ROCK2: variants seen among roughly 807,000 people sequenced by gnomAD.
ROCK2 encodes the protein rho-associated protein kinase 2.
ROCK2 carries 61 observed loss-of-function variants against 195.1 expected under a neutral mutation model. The observed-to-expected ratio is 0.31, with a 90% CI of 0.25 to 0.39. The LOEUF is 0.39. ROCK2 is among the 10% of genes least tolerant of loss of function. ROCK2 has a pLI of 1.00. For missense variants in ROCK2, 1,109 were observed against 1,637.4 expected, an observed-to-expected ratio of 0.68 and a Z score of 5.57; for synonymous variants, 504 against 545.5, an observed-to-expected ratio of 0.92 and a Z score of 1.06.
chr2:11,183,370 A>G lies in ROCK2; in HGVS notation c.*67T>C. On this transcript the variant is annotated 3_prime_UTR_variant, in exon 33 of 33. Transcript: ENST00000315872. The stretch of plus-strand genomic sequence containing the variant: ...TTTTTAATAAATTTTGGGCCATCAT[A>G]TTTCAGTCTTGTTTTCACTGGAAGA... The G allele has an allele frequency of 6.4e-6, 9 of 1,402,646 alleles. No homozygotes were observed. The highest frequency in any genetic ancestry group is 8.9e-6 in the Non-Finnish European group (9 of 1,012,256). The allele number at this position is 1,402,646 out of a possible 1,614,324, so 86.9% of individuals were successfully genotyped here. A position where few individuals can be genotyped will look rare whatever the true frequency, so the allele number is the denominator to read the frequency against.
At chr2:11,307,439 G>A (rs184229629) in intron 1 of ROCK2, among the ~76,000 whole-genome samples, 40 of 152,056 alleles carry the variant, frequency 2.6e-4, no homozygotes, top group African/African-American at 9.4e-4. Context: ...TCAGCCTCCC[G>A]AGTAGCTGGG....
At chr2:11,338,087 C>CT (rs1377822350) in intron 1 of ROCK2, among the ~76,000 whole-genome samples, 2 of 152,142 alleles carry the variant, frequency 1.3e-5, no homozygotes, top group Non-Finnish European at 2.9e-5. Flanking sequence ...GCTCAGGCCT[C>CT]TAATCCAACG....
intron 3 of ROCK2, among the ~76,000 whole-genome samples, chr2:11,285,216 C>T (rs1456554505): frequency 6.8e-6 from 1 of 148,024 alleles, no homozygotes; most frequent in African/African-American, 2.5e-5. Flanking sequence ...GAGCCGAGAT[C>T]GCGCCATTGC....
At chr2:11,239,492 G>A (rs1164164453) in intron 4 of ROCK2, among the ~76,000 whole-genome samples, 1 of 152,134 alleles carries the variant, frequency 6.6e-6, no homozygotes, top group East Asian at 1.9e-4. Context: ...AAACATAAAT[G>A]TAGCAAACAA....
At chr2:11,318,103 T>C (rs544763285) in intron 1 of ROCK2, among the ~76,000 whole-genome samples, 5 of 152,334 alleles carry the variant, frequency 3.3e-5, no homozygotes, top group African/African-American at 1.2e-4. Context: ...AGCAGCATGA[T>C]GTATAATCCT....
In ROCK2 at chr2:11,308,461, T is replaced by C. The variant is rs549687447; in HGVS notation, c.142-20725A>G. On this transcript the variant is annotated intron_variant, in intron 1 of 32. Coordinates refer to ENST00000315872, the MANE Select transcript of ROCK2 (RefSeq NM_004850.5). ...GTGCTGGAGCAGGGTCTCCTGATTC[T>C]TTTCCTGCTAGAGTTCCCGGTACTT... 6 of 1,605,982 alleles carry C rather than the reference T, an allele frequency of 3.7e-6. No individual in the cohort carries two copies. The South Asian group carries it at 5.5e-5, about 15-fold the overall frequency.
rs148176759 is a variant in ROCK2 at position 11,319,950 on chromosome 2, A to C, written c.141+24046T>G. 1.8e-4 allele frequency among the ~76,000 whole-genome samples: 27 copies of C among 152,320 alleles called. No homozygotes were observed. In the East Asian group the frequency reaches 5.0e-3, roughly 28 times the overall value. On this transcript the variant is annotated intron_variant, in intron 1 of 32. Transcript: ENST00000315872. ...CCTAACCAGAAAACACCTTAAAACT[A>C]TTCAGGGTGGATCCAGTGGCTCCAA...
At chr2:11,247,745 C>A (rs116746215) in intron 4 of ROCK2, among the ~76,000 whole-genome samples, 3 of 152,156 alleles carry the variant, frequency 2.0e-5, no homozygotes, top group Non-Finnish European at 2.9e-5. Context: ...GCAGGCCAGG[C>A]GCAGAGGCTC....
At chr2:11,259,891 G>C (rs1399720601) in intron 3 of ROCK2, among the ~76,000 whole-genome samples, 1 of 151,254 alleles carries the variant, frequency 6.6e-6, no homozygotes, top group South Asian at 2.1e-4. Flanking sequence ...AAATGACCAA[G>C]CTGGAGTAAC....
intron 3 of ROCK2, 88 bp from the exon 4 acceptor site, chr2:11,249,886 C>T: frequency 9.0e-7 from 1 of 1,112,714 alleles, no homozygotes; most frequent in African/African-American, 1.6e-5. Flanking sequence ...TTATTAAAGA[C>T]TTCAGTTACA....
intron 1 of ROCK2, among the ~76,000 whole-genome samples, chr2:11,324,847 G>A (rs1668501067): frequency 1.3e-5 from 2 of 152,124 alleles, no homozygotes; most frequent in Admixed American, 6.6e-5. Context: ...CAACATGACA[G>A]GTCTCAAGTG....
At position 11,197,328 on chromosome 2, in the gene ROCK2, C is replaced by G. The variant is rs1316869717; in HGVS notation, c.3300G>C (p.Gln1100His). ...ATGTCATCTGCAGTTCAATTCGAAT[C>G]TGGCTCTCTTCAGCTATTTGCTATA... The part of the protein sequence containing the change: ...EMQAQIAEES[Q>H]IRIELQMTLD... The change falls in exon 27 of 33, where the codon CAG (glutamine) becomes CAC (histidine). Residue 1100 changes from glutamine to histidine, a missense_variant. This residue lies in a region of ROCK2 where 221 missense variants were observed against 355.1 expected (regional missense o/e 0.62). Coordinates refer to ENST00000315872, the MANE Select transcript of ROCK2 (RefSeq NM_004850.5). This position sits in a 1 kb window ranked among gnomAD's most constrained non-coding sequence, Gnocchi z 4.9. The G allele has an allele frequency of 6.8e-6, 11 of 1,613,304 alleles. No individual in the cohort carries two copies. The highest frequency in any genetic ancestry group is 9.3e-6 in the Non-Finnish European group (11 of 1,179,800).
chr2:11,261,536 T>C (rs1238472735), intron 3 of ROCK2, among the ~76,000 whole-genome samples: 1 of 152,208 alleles, frequency 6.6e-6, no homozygotes, highest in Non-Finnish European at 1.5e-5. Context: ...AAGCATGGAT[T>C]TGCCGGGCTT....
At chr2:11,289,940 TATCACA>T (rs1375150639) in intron 1 of ROCK2, among the ~76,000 whole-genome samples, 1 of 152,216 alleles carries the variant, frequency 6.6e-6, no homozygotes, top group Non-Finnish European at 1.5e-5. Context: ...GACCAAACAC[TATCACA>T]ATTAGGCACT....
chr2:11,279,543 T>C (rs1324455985), intron 3 of ROCK2, among the ~76,000 whole-genome samples: 4 of 152,184 alleles, frequency 2.6e-5, no homozygotes, highest in East Asian at 1.9e-4. Flanking sequence ...CAAAAGCTGA[T>C]AGAACAGCAA....
chr2:11,336,679 G>A (rs1668938834), intron 1 of ROCK2, among the ~76,000 whole-genome samples: 1 of 152,204 alleles, frequency 6.6e-6, no homozygotes, highest in Non-Finnish European at 1.5e-5. Context: ...TTTAACAAAG[G>A]TGCCAAAGCA....
intron 19 of ROCK2, 113 bp downstream of exon 19, chr2:11,208,174 T>G (rs1395147248): frequency 1.7e-6 from 1 of 604,702 alleles, no homozygotes; most frequent in African/African-American, 1.9e-5. Context: ...AACCAACAGG[T>G]TGCAGACTAT....
At position 11,192,308 on chromosome 2, in the gene ROCK2, C is replaced by T; in HGVS notation, c.4003G>A (p.Glu1335Lys). 1 of 1,613,776 alleles carries T rather than the reference C, an allele frequency of 6.2e-7. No individual in the cohort carries two copies. ...CGACTAACCCACTTCTGCTGCTCTT[C>T]TGTAGAATTTGCTAGTAATAACAGA... ...KNLLLLANST[E>K]EQQKWVSRLV... Residue 1335 changes from glutamate (E) to lysine (K), a missense_variant, in exon 32 of 33, where the codon GAA becomes AAA. Transcript: ENST00000315872. The surrounding 1 kb of genome is among the most constrained non-coding windows in gnomAD (Gnocchi z 5.0).
At chr2:11,253,477 C>A (rs929908709) in intron 3 of ROCK2, among the ~76,000 whole-genome samples, 4 of 152,230 alleles carry the variant, frequency 2.6e-5, no homozygotes, top group Non-Finnish European at 5.9e-5. Flanking sequence ...ACCACCCTAA[C>A]TGAACTAAGA....
Sources: gnomAD v4.1 joint callset for allele counts (sites outside exome capture counted in the v4.1 genomes callset) on GRCh38, gnomAD v4.1.1 for gene constraint, gnomAD v4.1.1 regional missense constraint, Gnocchi (gnomAD v3.1) non-coding constraint, MANE v1.5 for transcripts, NCBI Gene and HGNC (gene_info 2026-07-23, HGNC 2026-07-21) for gene names.